Variants in FNDC1 observed in about 807,000 individuals in gnomAD.
FNDC1 encodes the protein fibronectin type III domain containing 1, also known as fibronectin type III domain-containing protein 1.
A neutral mutation model predicts 168.0 loss-of-function variants in FNDC1; 96 were observed. The ratio of observed to expected loss-of-function variants is 0.57; its 90% CI spans 0.48 to 0.68. The LOEUF (loss-of-function observed/expected upper bound fraction) is 0.68. Ranked by LOEUF, FNDC1 falls within the 30% of genes least tolerant of loss-of-function variation. The pLI, the probability that FNDC1 is intolerant of heterozygous loss-of-function variation, is 0.00. For missense variants in FNDC1, 2,587 were observed against 2,482.1 expected, an observed-to-expected ratio of 1.04 and a Z score of -0.90; for synonymous variants, 1,099 against 1,025.9, an observed-to-expected ratio of 1.07 and a Z score of -1.36.
chr6:159,176,709 G>A (rs554903585), intron 1 of FNDC1, among the ~76,000 whole-genome samples: 2 of 152,166 alleles, frequency 1.3e-5, no homozygotes, highest in African/African-American at 4.8e-5. Context: ...CCATAGTGTT[G>A]GTGGCCACCG....
chr6:159,199,435 G>T (rs897667429), intron 2 of FNDC1, among the ~76,000 whole-genome samples: 1 of 152,172 alleles, frequency 6.6e-6, no homozygotes, highest in Non-Finnish European at 1.5e-5. Flanking sequence ...TTGTTGGAAT[G>T]GTCAAAAACA....
chr6:159,241,132 A>C (rs1262602360), intron 14 of FNDC1: 1 of 152,240 alleles, frequency 6.6e-6, no homozygotes, highest in Admixed American at 6.5e-5. Context: ...AATGGGAAGA[A>C]AATTTCTACT....
chr6:159,204,448 C>A (rs996002851), intron 4 of FNDC1, among the ~76,000 whole-genome samples: 2 of 152,330 alleles, frequency 1.3e-5, no homozygotes, highest in Non-Finnish European at 2.9e-5. Context: ...TTCCTCAACA[C>A]CCTCACGTCA....
intron 5 of FNDC1, among the ~76,000 whole-genome samples, chr6:159,219,260 C>T (rs528256889): frequency 4.6e-5 from 7 of 152,272 alleles, no homozygotes; most frequent in African/African-American, 1.2e-4. Context: ...AGGCTGGCCT[C>T]GAACTCCTGA....
At chr6:159,188,125 G>A (rs923371138) in intron 1 of FNDC1, among the ~76,000 whole-genome samples, 9 of 152,326 alleles carry the variant, frequency 5.9e-5, no homozygotes, top group African/African-American at 1.2e-4. Context: ...GGAGACTTAC[G>A]TAAGCATGAA....
rs1295580563 is a variant in FNDC1, at chr6:159,234,368, C to A, written c.3856C>A (p.Pro1286Thr). 8 of 1,612,692 alleles carry A rather than the reference C, an allele frequency of 5.0e-6. No homozygotes were observed. The highest frequency in any genetic ancestry group is 1.3e-5 in the African/African-American group (1 of 75,036). ...HPWPQYTTRAPPGHFSTTPML... is the reference protein window; with the variant it reads ...HPWPQYTTRATPGHFSTTPML... ...CTGGCCGCAGTACACCACGCGCGCC[C>A]CACCTGGCCACTTCTCCACCACCCC... The change falls in exon 11 of 23, where the codon CCA becomes ACA. Residue 1286 changes from proline to threonine, a missense_variant. Transcript: ENST00000297267.
intron 12 of FNDC1, among the ~76,000 whole-genome samples, chr6:159,237,887 G>A (rs554313414): frequency 6.6e-6 from 1 of 152,256 alleles, no homozygotes; most frequent in Admixed American, 6.5e-5. Flanking sequence ...ATGTAGAATT[G>A]TCTGCATAAT....
chr6:159,202,761 G>A (rs547868809), intron 4 of FNDC1, among the ~76,000 whole-genome samples: 1 of 152,336 alleles, frequency 6.6e-6, no homozygotes, highest in East Asian at 1.9e-4. Flanking sequence ...AGGTCTAGGT[G>A]TTAGAGATAC....
rs1176188058 is a variant in FNDC1, at chr6:159,239,868, C to T, written c.4532C>T (p.Thr1511Ile). 1 of 1,549,432 alleles carries T rather than the reference C, an allele frequency of 6.5e-7. No homozygotes were observed. Among genetic ancestry groups the T allele is most frequent in the Non-Finnish European group, 8.7e-7 (1 of 1,145,806 alleles). ...CCCACACCCACCACTCCCATCCCCA[C>T]CTGTCCCCCTGGGACCTTGGAACGG... ...TTPTPTTPIP[T>I]CPPGTLERHD... The change falls in exon 14 of 23, where the codon ACC (threonine) becomes ATC (isoleucine). Residue 1511 changes from threonine (T) to isoleucine (I), a missense_variant. Thr to Ile is a moderately conservative substitution (Grantham distance 89, BLOSUM62 -1). Transcript: ENST00000297267.
intron 1 of FNDC1, among the ~76,000 whole-genome samples, chr6:159,173,559 G>A (rs1781705161): frequency 6.6e-6 from 1 of 152,182 alleles, no homozygotes; most frequent in Non-Finnish European, 1.5e-5. Context: ...CCCCTGGAAA[G>A]TTATCACCAG....
chr6:159,217,520 T>C (rs1782733226), intron 5 of FNDC1, among the ~76,000 whole-genome samples: 1 of 152,116 alleles, frequency 6.6e-6, no homozygotes, highest in South Asian at 2.1e-4. Flanking sequence ...GGTGGAGACA[T>C]TGGGTGGATG....
At chr6:159,178,608 TATAA>T (rs1781816340) in intron 1 of FNDC1, among the ~76,000 whole-genome samples, 1 of 152,136 alleles carries the variant, frequency 6.6e-6, no homozygotes, top group Admixed American at 6.5e-5. Context: ...TCCCCCATTT[TATAA>T]TTTTGTCATT....
chr6:159,217,138 A>G (rs188718138), intron 5 of FNDC1, among the ~76,000 whole-genome samples: 79 of 152,318 alleles, frequency 5.2e-4, no homozygotes, highest in Admixed American at 5.2e-3. Context: ...TCCTTCAGAC[A>G]AGGAGGGGGA....
At chr6:159,226,412 AT>A in intron 8 of FNDC1, 60 bp from the exon 9 acceptor site, 1 of 1,306,564 alleles carries the variant, frequency 7.7e-7, no homozygotes, top group Admixed American at 2.1e-5. Flanking sequence ...ACCATGTGCT[AT>A]TTACATCTAG....
intron 1 of FNDC1, among the ~76,000 whole-genome samples, chr6:159,189,941 G>C (rs1782096435): frequency 6.6e-6 from 1 of 152,204 alleles, no homozygotes; most frequent in Non-Finnish European, 1.5e-5. Flanking sequence ...GGCAAAATTT[G>C]GCATTGGAAT....
chr6:159,263,491 G>A (rs976385144), intron 19 of FNDC1, among the ~76,000 whole-genome samples: 2 of 152,092 alleles, frequency 1.3e-5, no homozygotes, highest in Non-Finnish European at 2.9e-5. Context: ...GGCTGGCCAC[G>A]GTGGCTCACT....
In FNDC1 at chr6:159,234,434, C is replaced by T. The variant is rs549187583; in HGVS notation, c.3922C>T (p.Arg1308Cys). The T allele has an allele frequency of 4.3e-6, 7 of 1,613,540 alleles. No individual in the cohort carries two copies. Among genetic ancestry groups the T allele is most frequent in the South Asian group, 1.1e-5 (1 of 91,072 alleles). ...LRQRMMHARF[R>C]NPLSRQPARP... ...CCAGAGGATGATGCATGCCAGATTC[C>T]GTAACCCTCTCTCCCGACAGCCTGC... Residue 1308 changes from arginine to cysteine, a missense_variant, in exon 11 of 23, where the codon CGT becomes TGT. Physicochemically the swap from Arg to Cys is radical, Grantham distance 180 (BLOSUM62 -3). Transcript: ENST00000297267.
Position 159,233,931 on chromosome 6 carries a change from G to A in FNDC1, c.3419G>A (p.Arg1140Gln). ...GHAASPARPS[R>Q]PGGPQSRARV... The stretch of plus-strand genomic sequence containing the variant: ...GCGGCCTCCCCCGCCAGGCCCAGCC[G>A]ACCCGGCGGCCCCCAGTCCCGCGCC... The change falls in exon 11 of 23, where the codon CGA (arginine) becomes CAA (glutamine). Residue 1140 changes from arginine (R) to glutamine (Q), a missense_variant. Transcript: ENST00000297267. This position sits in a 1 kb window ranked among gnomAD's most constrained non-coding sequence, Gnocchi z 4.6. The A allele has an allele frequency of 6.4e-7, 1 of 1,554,504 alleles. No individual in the cohort carries two copies. The highest frequency in any genetic ancestry group is 1.9e-5 in the Admixed American group (1 of 51,444).
intron 1 of FNDC1, among the ~76,000 whole-genome samples, chr6:159,178,926 C>T (rs949878647): frequency 1.3e-5 from 2 of 152,082 alleles, no homozygotes; most frequent in African/African-American, 4.8e-5. Context: ...CAGCAATTCT[C>T]GTGATGCACA....
Sources: allele counts gnomAD v4.1 joint callset (sites outside exome capture counted in the v4.1 genomes callset), GRCh38; gene constraint gnomAD v4.1.1; non-coding constraint Gnocchi (gnomAD v3.1); transcripts MANE v1.5; gene names NCBI Gene and HGNC (gene_info 2026-07-23, HGNC 2026-07-21).